Variants in PXDNL observed in about 807,000 individuals in gnomAD.
PXDNL encodes peroxidasin like.
PXDNL carries 145 observed loss-of-function variants against 150.8 expected under a neutral mutation model. That is an observed-to-expected ratio of 0.96 (90% confidence interval 0.84 to 1.10). The LOEUF (loss-of-function observed/expected upper bound fraction) is 1.10, where lower values mean the gene tolerates loss of function less well. PXDNL is among the 50% of genes least tolerant of loss of function. The pLI, the probability that PXDNL is intolerant of heterozygous loss-of-function variation, is 0.00. For missense variants in PXDNL, 2,087 were observed against 1,873.9 expected (o/e 1.11, Z -2.10); for synonymous variants, 757 against 725.7 (o/e 1.04, Z -0.69).
At chr8:51,721,355 C>G (rs559938993) in intron 1 of PXDNL, among the ~76,000 whole-genome samples, 2 of 152,202 alleles carry the variant, frequency 1.3e-5, no homozygotes, top group East Asian at 3.9e-4. Context: ...TGTGTATAAA[C>G]AAAAACTAAA....
intron 5 of PXDNL, among the ~76,000 whole-genome samples, chr8:51,494,334 T>A: frequency 6.6e-6 from 1 of 151,444 alleles, no homozygotes; most frequent in Non-Finnish European, 1.5e-5. Context: ...ACATGCCAAA[T>A]TGTAAAGACC....
At chr8:51,703,848 G>C (rs1199438642) in intron 1 of PXDNL, among the ~76,000 whole-genome samples, 1 of 152,052 alleles carries the variant, frequency 6.6e-6, no homozygotes, top group Non-Finnish European at 1.5e-5. Context: ...TCTTTTCTTG[G>C]ACAATTAATT....
intron 10 of PXDNL, among the ~76,000 whole-genome samples, chr8:51,450,061 G>T (rs1279357363): frequency 6.6e-6 from 1 of 152,170 alleles, no homozygotes; most frequent in Non-Finnish European, 1.5e-5. Flanking sequence ...TTTCTGGAAA[G>T]CGGTGGGCAA....
chr8:51,623,603 G>A (rs895274468), intron 2 of PXDNL, among the ~76,000 whole-genome samples: 3 of 152,178 alleles, frequency 2.0e-5, no homozygotes, highest in African/African-American at 7.2e-5. Flanking sequence ...CTTTCACTGA[G>A]GACCATCCAC....
rs150813289 is a variant in PXDNL, at chr8:51,538,143, C to T, written c.380+18697G>A. Among the ~76,000 whole-genome samples the T allele has an allele frequency of 1.3e-4, 20 of 152,308 alleles. No individual in the cohort carries two copies. The East Asian group carries it at 3.9e-3, about 29-fold the overall frequency. ...TGCAATGCCCAAAACTGCTCTCCAG[C>T]CCTCGTATCCCTGAGGTTCTGTGAA... On this transcript the variant is annotated intron_variant, in intron 4 of 22. Coordinates refer to ENST00000356297, the MANE Select transcript of PXDNL (RefSeq NM_144651.5).
At chr8:51,494,398 C>G (rs1486310797) in intron 5 of PXDNL, among the ~76,000 whole-genome samples, 1 of 151,822 alleles carries the variant, frequency 6.6e-6, no homozygotes, top group Non-Finnish European at 1.5e-5. Flanking sequence ...CAGCTAACAT[C>G]ATAATGACAG....
At chr8:51,652,719 TGAAA>T (rs1288278346) in intron 2 of PXDNL, among the ~76,000 whole-genome samples, 3 of 152,080 alleles carry the variant, frequency 2.0e-5, no homozygotes, top group African/African-American at 7.2e-5. Flanking sequence ...CCACAAAGCA[TGAAA>T]GAAAGGAATA....
In PXDNL at chr8:51,642,526, T is replaced by G. The variant is rs149229605; in HGVS notation, c.236+12163A>C. ...CTAAAAACTGTCAACAAATTAGGTA[T>G]TGATTGGACATATCTCAAAATAATA... On this transcript the variant is annotated intron_variant, in intron 2 of 22. Transcript: ENST00000356297. Among the ~76,000 whole-genome samples the G allele has an allele frequency of 3.3e-3, 499 of 152,280 alleles. 4 individuals are homozygous for G. Among genetic ancestry groups the G allele is most frequent in the African/African-American group, 0.012 (478 of 41,520 alleles).
intron 1 of PXDNL, among the ~76,000 whole-genome samples, chr8:51,798,513 A>T (rs1367776340): frequency 6.6e-6 from 1 of 152,206 alleles, no homozygotes; most frequent in African/African-American, 2.4e-5. Context: ...CCCCATTAAA[A>T]CCTGGGCAAA....
intron 1 of PXDNL, among the ~76,000 whole-genome samples, chr8:51,753,214 T>C (rs951381652): frequency 1.3e-4 from 20 of 152,226 alleles, no homozygotes; most frequent in African/African-American, 3.6e-4. Flanking sequence ...CCATTTCAAT[T>C]TATCCAAAGC....
rs1385974344 is a variant in PXDNL, at chr8:51,755,587, C to T, written c.164+53594G>A. Among the ~76,000 whole-genome samples, 4 of 152,264 alleles carry T rather than the reference C, an allele frequency of 2.6e-5. No individual in the cohort carries two copies. The South Asian group carries it at 8.3e-4, about 32-fold the overall frequency. The stretch of plus-strand genomic sequence containing the variant: ...GGTTTCAGGCATTAGCCGCCATGCT[C>T]GGCCTATTACCCAGTTTTGAGATGT... On this transcript the variant is annotated intron_variant, in intron 1 of 22. Transcript: ENST00000356297.
chr8:51,325,141 G>A (rs959264214), intron 21 of PXDNL, among the ~76,000 whole-genome samples: 1 of 152,174 alleles, frequency 6.6e-6, no homozygotes, highest in Admixed American at 6.5e-5. Flanking sequence ...TAGGATTACA[G>A]GTGTGAGCCA....
At chr8:51,700,272 CACAT>C (rs373788804) in intron 1 of PXDNL, among the ~76,000 whole-genome samples, 2,079 of 150,156 alleles carry the variant, frequency 0.014, 30 homozygotes, top group South Asian at 0.046. Context: ...CACACACACA[CACAT>C]ATATACATAC....
At chr8:51,487,876 G>A (rs998283003) in intron 5 of PXDNL, among the ~76,000 whole-genome samples, 1 of 152,136 alleles carries the variant, frequency 6.6e-6, no homozygotes, top group African/African-American at 2.4e-5. Context: ...ACACAAAGGC[G>A]CTTTTGTCAA....
intron 4 of PXDNL, among the ~76,000 whole-genome samples, chr8:51,522,562 AGGCCGG>A (rs1331613412): frequency 1.3e-5 from 2 of 152,206 alleles, no homozygotes; most frequent in Non-Finnish European, 1.5e-5. Flanking sequence ...AGAGAATGTA[AGGCCGG>A]GGCGGTGGCT....
intron 4 of PXDNL, among the ~76,000 whole-genome samples, chr8:51,536,232 G>A (rs1812075121): frequency 6.6e-6 from 1 of 152,214 alleles, no homozygotes; most frequent in South Asian, 2.1e-4. Flanking sequence ...TATAGAGCTT[G>A]AGAATAAAGC....
chr8:51,737,957 C>T (rs1177999991), intron 1 of PXDNL, among the ~76,000 whole-genome samples: 2 of 152,218 alleles, frequency 1.3e-5, no homozygotes, highest in African/African-American at 4.8e-5. Context: ...CTCAGTCTCA[C>T]TCTTTTCCAA....
At chr8:51,764,462 G>A (rs544644040) in intron 1 of PXDNL, among the ~76,000 whole-genome samples, 1 of 150,012 alleles carries the variant, frequency 6.7e-6, no homozygotes, top group East Asian at 1.9e-4. Context: ...TATCTCTCTG[G>A]CCATGACTGC....
intron 21 of PXDNL, among the ~76,000 whole-genome samples, chr8:51,336,283 GT>G (rs1026486621): frequency 6.6e-6 from 1 of 152,120 alleles, no homozygotes; most frequent in African/African-American, 2.4e-5. Context: ...AAAACAAAGG[GT>G]TTTTGTAAAA....
Sources: gnomAD v4.1 joint callset for allele counts (sites outside exome capture counted in the v4.1 genomes callset) on GRCh38, gnomAD v4.1.1 for gene constraint, MANE v1.5 for transcripts, NCBI Gene and HGNC (gene_info 2026-07-23, HGNC 2026-07-21) for gene names.